WIF1: variants seen among roughly 807,000 people sequenced by gnomAD.
WIF1 encodes the protein Wnt inhibitory factor 1.
WIF1 carries 35 observed loss-of-function variants against 53.5 expected under a neutral mutation model. The observed-to-expected ratio is 0.65, with a 90% CI of 0.50 to 0.87. The LOEUF is 0.87. Among genes scored for constraint, WIF1 ranks in the 40% least tolerant of loss-of-function variants. The pLI is 0.00. For synonymous variants in WIF1, 171 were observed against 170.4 expected (o/e 1.00, Z -0.03); for missense variants, 467 against 476.8 (o/e 0.98, Z 0.19).
In WIF1 at chr12:65,067,576, C is replaced by T. The variant is rs1234222329; in HGVS notation, c.634+119G>A. 5.8e-6 allele frequency: 6 copies of T among 1,031,526 alleles called. No homozygotes were observed. The Admixed American group carries it at 6.9e-5, about 12-fold the overall frequency. 63.9% of individuals were successfully genotyped at this position (1,031,526 alleles called of 1,614,324 possible). ...AGTGATGGCATTGTGCCAAAATTTT[C>T]TGCCCCTGTGACCAGGAAAATAATT... On this transcript the variant is annotated intron_variant, in intron 5 of 9. Coordinates refer to ENST00000286574, the MANE Select transcript of WIF1 (RefSeq NM_007191.5).
At chr12:65,120,960 C>T (rs1883599336) in intron 1 of WIF1, 84 bp downstream of exon 1, 2 of 1,352,018 alleles carry the variant, frequency 1.5e-6, no homozygotes, top group Non-Finnish European at 1.9e-6. Context: ...TTTTAAAACA[C>T]AAGAAACGCA....
chr12:65,093,390 T>G (rs1425693084), intron 2 of WIF1, among the ~76,000 whole-genome samples: 3 of 152,198 alleles, frequency 2.0e-5, no homozygotes, highest in Non-Finnish European at 4.4e-5. Flanking sequence ...GTTTGTTTTT[T>G]GCCTGCTTAA....
chr12:65,089,617 G>T (rs549880178), intron 2 of WIF1, among the ~76,000 whole-genome samples: 1 of 152,088 alleles, frequency 6.6e-6, no homozygotes, highest in East Asian at 1.9e-4. Context: ...CTTTGATCTG[G>T]CCATATCAAG....
Position 65,055,199 on chromosome 12 carries a change from C to G in WIF1, c.937G>C (p.Gly313Arg). Reference sequence around the variant, plus strand: ...TGGCAGGTTCCATGTGCACCACAGCCAGGCTCGCAGACAGCTAGAATCAAA... The same window carrying G: ...TGGCAGGTTCCATGTGCACCACAGCGAGGCTCGCAGACAGCTAGAATCAAA... The part of the protein sequence containing the change: ...DLCSKPVCEP[G>R]CGAHGTCHEP... Residue 313 changes from glycine to arginine, a missense_variant, in exon 9 of 10, where the codon GGC becomes CGC. Coordinates refer to ENST00000286574, the MANE Select transcript of WIF1 (RefSeq NM_007191.5). 1 of 1,613,946 alleles carries G rather than the reference C, an allele frequency of 6.2e-7. No individual in the cohort carries two copies. The highest frequency in any genetic ancestry group is 8.5e-7 in the Non-Finnish European group (1 of 1,179,956).
In WIF1 at chr12:65,080,263, C is replaced by T. The variant is rs1239712146; in HGVS notation, c.289-2409G>A. ...TCCAAAAGACCACTGTGAACAGTTC[C>T]CTAGGTGGGTAACAACATTGTTTAA... On this transcript the variant is annotated intron_variant, in intron 2 of 9. Transcript: ENST00000286574. Among the ~76,000 whole-genome samples the T allele has an allele frequency of 2.6e-5, 4 of 152,140 alleles. 1 individual carries two copies. The highest frequency in any genetic ancestry group is 9.7e-5 in the African/African-American group (4 of 41,420).
At chr12:65,060,996 A>G (rs778712469) in intron 7 of WIF1, among the ~76,000 whole-genome samples, 41 of 152,226 alleles carry the variant, frequency 2.7e-4, no homozygotes, top group Non-Finnish European at 5.0e-4. Context: ...TACATGAAGG[A>G]AAATGAGCCT....
At chr12:65,057,439 G>A (rs948951366) in intron 7 of WIF1, among the ~76,000 whole-genome samples, 19 of 152,140 alleles carry the variant, frequency 1.2e-4, no homozygotes, top group African/African-American at 4.3e-4. Context: ...TTTCTCCAGA[G>A]GCTATTTATT....
At chr12:65,080,655 G>A (rs1176061542) in intron 2 of WIF1, among the ~76,000 whole-genome samples, 2 of 152,062 alleles carry the variant, frequency 1.3e-5, no homozygotes, top group African/African-American at 4.8e-5. Context: ...CCCTTATAAT[G>A]AATAACATTT....
At chr12:65,066,382 GGGC>G (rs1463859430) in intron 6 of WIF1, among the ~76,000 whole-genome samples, 1 of 152,110 alleles carries the variant, frequency 6.6e-6, no homozygotes, top group Non-Finnish European at 1.5e-5. Flanking sequence ...GATGGTGCCT[GGGC>G]TCCTGAGTCA....
At chr12:65,059,613 A>T (rs1044365597) in intron 7 of WIF1, among the ~76,000 whole-genome samples, 1 of 152,020 alleles carries the variant, frequency 6.6e-6, no homozygotes, top group Non-Finnish European at 1.5e-5. Context: ...CATATCTCAC[A>T]ATCAACTCGG....
chr12:65,073,881 G>T (rs1470326532), intron 3 of WIF1, among the ~76,000 whole-genome samples: 1 of 152,092 alleles, frequency 6.6e-6, no homozygotes, highest in Non-Finnish European at 1.5e-5. Context: ...GTGTGTGTGG[G>T]GTGGGGTGAG....
chr12:65,109,967 C>A (rs17765135), intron 2 of WIF1, among the ~76,000 whole-genome samples: 1 of 151,974 alleles, frequency 6.6e-6, no homozygotes, highest in African/African-American at 2.4e-5. Flanking sequence ...ACAAACAATA[C>A]AATTTTGGAG....
At chr12:65,078,952 G>T (rs1882904883) in intron 2 of WIF1, among the ~76,000 whole-genome samples, 1 of 152,086 alleles carries the variant, frequency 6.6e-6, no homozygotes, top group African/African-American at 2.4e-5. Flanking sequence ...ATCACTTGAG[G>T]TTAGGAGTTC....
intron 2 of WIF1, among the ~76,000 whole-genome samples, chr12:65,087,389 A>C (rs959205442): frequency 6.6e-6 from 1 of 152,196 alleles, no homozygotes; most frequent in Non-Finnish European, 1.5e-5. Flanking sequence ...TTTCTTTCAC[A>C]GTTCTTTAAA....
chr12:65,109,379 T>C (rs1272281646), intron 2 of WIF1, among the ~76,000 whole-genome samples: 1 of 152,204 alleles, frequency 6.6e-6, no homozygotes, highest in Admixed American at 6.5e-5. Context: ...CTCTACAAAT[T>C]AGGTGGAAGT....
chr12:65,115,896 C>T (rs951502597), intron 2 of WIF1, among the ~76,000 whole-genome samples: 12 of 152,112 alleles, frequency 7.9e-5, no homozygotes, highest in South Asian at 2.1e-4. Flanking sequence ...TCCATAGTTA[C>T]GATGACCCAT....
chr12:65,092,599 G>C (rs1402750327), intron 2 of WIF1, among the ~76,000 whole-genome samples: 1 of 151,814 alleles, frequency 6.6e-6, no homozygotes, highest in Non-Finnish European at 1.5e-5. Flanking sequence ...CTAGAGACTG[G>C]AATAAAGTGA....
At chr12:65,105,127 T>C (rs1883334385) in intron 2 of WIF1, among the ~76,000 whole-genome samples, 1 of 151,038 alleles carries the variant, frequency 6.6e-6, no homozygotes, top group Non-Finnish European at 1.5e-5. Context: ...AGAATAGGAG[T>C]AGAGCTCCAA....
intron 2 of WIF1, among the ~76,000 whole-genome samples, chr12:65,109,026 A>C (rs1249307000): frequency 1.3e-5 from 2 of 152,228 alleles, no homozygotes; most frequent in African/African-American, 2.4e-5. Context: ...CTAAGTTGTC[A>C]TAATCTTTCC....
Sources: gnomAD v4.1 joint callset for allele counts (sites outside exome capture counted in the v4.1 genomes callset) on GRCh38, gnomAD v4.1.1 for gene constraint, MANE v1.5 for transcripts, NCBI Gene and HGNC (gene_info 2026-07-23, HGNC 2026-07-21) for gene names.